NOS1: variants seen among roughly 807,000 people sequenced by gnomAD.
The protein encoded by NOS1 is nitric oxide synthase 1.
A neutral mutation model predicts 164.5 loss-of-function variants in NOS1; 51 were observed. The observed-to-expected ratio is 0.31, with a 90% CI of 0.25 to 0.39. The LOEUF (loss-of-function observed/expected upper bound fraction) is 0.39. NOS1 is among the 10% of genes least tolerant of loss of function. NOS1 has a pLI of 1.00. For missense variants in NOS1, 1,362 were observed against 1,885.6 expected, an observed-to-expected ratio of 0.72 and a Z score of 5.14; for synonymous variants, 719 against 745.8, an observed-to-expected ratio of 0.96 and a Z score of 0.59.
chr12:117,278,355 C>T (rs745965444), intron 8 of NOS1, among the ~76,000 whole-genome samples: 1 of 152,172 alleles, frequency 6.6e-6, no homozygotes, highest in Non-Finnish European at 1.5e-5. Flanking sequence ...TTTGCACTAA[C>T]CTAGTAACTA....
intron 22 of NOS1, among the ~76,000 whole-genome samples, chr12:117,229,809 G>A (rs1464027442): frequency 2.0e-5 from 3 of 152,208 alleles, no homozygotes; most frequent in Admixed American, 6.5e-5. Flanking sequence ...GGCTGGGCCC[G>A]AACGCCTGAC....
rs367921196 is a variant in NOS1, at chr12:117,333,175, T to C, written c.-420-1686A>G. Reference sequence around the variant, plus strand: ...CCGTCCCTACTTGTAATTATTAGTTTGTTGCAAGTTCAAAAAGATAGGTTT... The same window carrying C: ...CCGTCCCTACTTGTAATTATTAGTTCGTTGCAAGTTCAAAAAGATAGGTTT... On this transcript the variant is annotated intron_variant, in intron 1 of 28. Coordinates refer to ENST00000317775, the MANE Select transcript of NOS1 (RefSeq NM_000620.5). Among the ~76,000 whole-genome samples, 12 of 152,286 alleles carry C rather than the reference T, an allele frequency of 7.9e-5. No homozygotes were observed. The South Asian group carries it at 2.5e-3, about 32-fold the overall frequency.
chr12:117,260,425 C>T (rs772120567), intron 14 of NOS1, 40 bp downstream of exon 14: 1 of 1,604,810 alleles, frequency 6.2e-7, no homozygotes, highest in Non-Finnish European at 8.5e-7. Context: ...CCTTAATTCA[C>T]CATGAGAAGC....
At position 117,210,755 on chromosome 12, in the gene NOS1, C is replaced by T; in HGVS notation, c.*4554G>A. On this transcript the variant is annotated 3_prime_UTR_variant, in exon 29 of 29. Coordinates refer to ENST00000317775, the MANE Select transcript of NOS1 (RefSeq NM_000620.5). Reference sequence around the variant, plus strand: ...TGAAAGCGTGTTTGGTCAGAAGATTCTGTGTTCTTAGCCAATGTCTACTGG... The same window carrying T: ...TGAAAGCGTGTTTGGTCAGAAGATTTTGTGTTCTTAGCCAATGTCTACTGG... 1.0e-6 allele frequency: 1 copy of T among 985,372 alleles called. No homozygotes were observed. Among genetic ancestry groups the T allele is most frequent in the Non-Finnish European group, 1.2e-6 (1 of 829,956 alleles). 61.0% of individuals were successfully genotyped at this position (985,372 alleles called of 1,614,324 possible).
intron 1 of NOS1, among the ~76,000 whole-genome samples, chr12:117,336,274 T>C (rs1387307836): frequency 1.3e-5 from 2 of 152,198 alleles, no homozygotes; most frequent in Non-Finnish European, 2.9e-5. Context: ...GTGCTTTCCA[T>C]TTTTAGCATT....
intron 10 of NOS1, among the ~76,000 whole-genome samples, chr12:117,268,851 C>A (rs888154655): frequency 2.0e-5 from 3 of 151,910 alleles, no homozygotes; most frequent in Non-Finnish European, 4.4e-5. Context: ...CCCGCCTTGG[C>A]CTCCCAAAGT....
At chr12:117,321,663 G>A (rs1874931329) in intron 2 of NOS1, among the ~76,000 whole-genome samples, 1 of 152,162 alleles carries the variant, frequency 6.6e-6, no homozygotes, top group Non-Finnish European at 1.5e-5. Context: ...TGAAGGCTAA[G>A]TTACTGGGCT....
intron 1 of NOS1, among the ~76,000 whole-genome samples, chr12:117,344,246 C>T (rs1399476957): frequency 6.6e-6 from 1 of 152,196 alleles, no homozygotes; most frequent in African/African-American, 2.4e-5. Flanking sequence ...ATATAATTGA[C>T]TTTCTTCTTA....
At position 117,209,360 on chromosome 12, in the gene NOS1, GA is replaced by G; in HGVS notation, c.*5948del. On this transcript the variant is annotated 3_prime_UTR_variant, in exon 29 of 29. Coordinates refer to ENST00000317775, the MANE Select transcript of NOS1 (RefSeq NM_000620.5). ...ACAGTACCCAAGACGGCCCCCACAA[GA>G]AAGAATTACCCAGCCCCAAATGCCA... 1.0e-6 allele frequency: 1 copy of G among 981,546 alleles called. No homozygotes were observed. The highest frequency in any genetic ancestry group is 1.7e-5 in the African/African-American group (1 of 57,278). 60.8% of individuals were successfully genotyped at this position (981,546 alleles called of 1,614,324 possible).
intron 1 of NOS1, among the ~76,000 whole-genome samples, chr12:117,338,744 T>G (rs1429801934): frequency 6.6e-6 from 1 of 152,222 alleles, no homozygotes; most frequent in African/African-American, 2.4e-5. Flanking sequence ...AAGTCAGTTC[T>G]GTATATGTAA....
At chr12:117,358,508 T>C (rs1482982585) in intron 1 of NOS1, among the ~76,000 whole-genome samples, 3 of 152,222 alleles carry the variant, frequency 2.0e-5, no homozygotes, top group African/African-American at 7.2e-5. Context: ...CTTCCCTCTG[T>C]TTCGGGTTCC....
chr12:117,262,488 G>GGAGA (rs71099035), intron 13 of NOS1, among the ~76,000 whole-genome samples: 79 of 118,576 alleles, frequency 6.7e-4, no homozygotes, highest in Admixed American at 2.0e-3. Context: ...AGGGGGAGGG[G>GGAGA]GAGAGAGAGA....
rs556047419 is a variant in NOS1 at position 117,312,390 on chromosome 12, T to C, written c.726-798A>G. The stretch of plus-strand genomic sequence containing the variant: ...GGCCATGTGTTTTAGTGCATTTAAC[T>C]CTTGTGACAACCCTTTGAGGCAGGA... On this transcript the variant is annotated intron_variant, in intron 2 of 28. Coordinates refer to ENST00000317775, the MANE Select transcript of NOS1 (RefSeq NM_000620.5). Among the ~76,000 whole-genome samples the C allele has an allele frequency of 5.9e-5, 9 of 152,040 alleles. No homozygotes were observed. In the South Asian group the frequency reaches 1.0e-3, roughly 18 times the overall value.
chr12:117,305,043 C>G (rs1225953322), intron 3 of NOS1: 1 of 985,324 alleles, frequency 1.0e-6, no homozygotes, highest in Non-Finnish European at 1.2e-6. Context: ...TTTCTCAACC[C>G]CCACCTATCC....
chr12:117,228,700 C>T (rs775779508), intron 22 of NOS1, among the ~76,000 whole-genome samples: 14 of 152,274 alleles, frequency 9.2e-5, no homozygotes, highest in South Asian at 2.1e-4. Flanking sequence ...GACCAGGGTG[C>T]GAGTGCACTG....
intron 3 of NOS1, among the ~76,000 whole-genome samples, chr12:117,296,032 C>G (rs1873393612): frequency 6.6e-6 from 1 of 152,084 alleles, no homozygotes; most frequent in Admixed American, 6.6e-5. Context: ...CTGTGGTCAT[C>G]ATGAGCATAT....
chr12:117,238,049 A>C (rs1371808277), intron 20 of NOS1, among the ~76,000 whole-genome samples: 1 of 152,166 alleles, frequency 6.6e-6, no homozygotes, highest in African/African-American at 2.4e-5. Flanking sequence ...CCAGAGGCAG[A>C]GAAAAGGTGG....
rs552081763 is a variant in NOS1 at position 117,344,508 on chromosome 12, T to C, written c.-420-13019A>G. On this transcript the variant is annotated intron_variant, in intron 1 of 28. Coordinates refer to ENST00000317775, the MANE Select transcript of NOS1 (RefSeq NM_000620.5). ...GACATTATAATTCCCATTTTATAGA[T>C]GTTAAAATCAAGGCTCAAAGACATT... Among the ~76,000 whole-genome samples, 9 of 152,342 alleles carry C rather than the reference T, an allele frequency of 5.9e-5. No individual in the cohort carries two copies. The East Asian group carries it at 1.5e-3, about 26-fold the overall frequency.
At chr12:117,238,528 T>C (rs1194279742) in intron 20 of NOS1, among the ~76,000 whole-genome samples, 1 of 151,450 alleles carries the variant, frequency 6.6e-6, no homozygotes, top group East Asian at 1.9e-4. Flanking sequence ...TTTTCTTTTC[T>C]TTTTTTGAGA....
Sources: gnomAD v4.1 joint callset for allele counts (sites outside exome capture counted in the v4.1 genomes callset) on GRCh38, gnomAD v4.1.1 for gene constraint, MANE v1.5 for transcripts, NCBI Gene and HGNC (gene_info 2026-07-23, HGNC 2026-07-21) for gene names.